The following GXYLT1 variants were observed in gnomAD, a reference collection of about 807,000 sequenced individuals.
GXYLT1 encodes glucoside xylosyltransferase 1.
A neutral mutation model predicts 54.0 loss-of-function variants in GXYLT1; 29 were observed. That is an observed-to-expected ratio of 0.54 (90% confidence interval 0.40 to 0.73). The LOEUF is 0.73. GXYLT1 is among the 30% of genes least tolerant of loss of function. The pLI is 0.00. For synonymous variants in GXYLT1, 176 were observed against 204.1 expected, an observed-to-expected ratio of 0.86 and a Z score of 1.17; for missense variants, 490 against 553.4, an observed-to-expected ratio of 0.89 and a Z score of 1.15.
chr12:42,121,089 A>T (rs1161889794), intron 2 of GXYLT1, among the ~76,000 whole-genome samples: 2 of 152,218 alleles, frequency 1.3e-5, no homozygotes, highest in African/African-American at 4.8e-5. Flanking sequence ...CAATCAAGAC[A>T]TGACAATTTT....
intron 1 of GXYLT1, among the ~76,000 whole-genome samples, chr12:42,138,066 G>A (rs977467173): frequency 6.6e-6 from 1 of 151,988 alleles, no homozygotes; most frequent in African/African-American, 2.4e-5. Flanking sequence ...TCAGGAGTTC[G>A]GGACCAGCCT....
At chr12:42,144,394 G>C in intron 1 of GXYLT1, 32 bp downstream of exon 1, 1 of 1,331,882 alleles carries the variant, frequency 7.5e-7, no homozygotes, top group Non-Finnish European at 9.7e-7. Context: ...CCCCGCGCCC[G>C]CCGCGTCCCC....
chr12:42,133,751 T>A lies in GXYLT1; in HGVS notation c.222-3900A>T, dbSNP rs114204991. On this transcript the variant is annotated intron_variant, in intron 1 of 7. Coordinates refer to ENST00000398675, the MANE Select transcript of GXYLT1 (RefSeq NM_173601.2). ...TACACAGGCCAAACACTGGCAACAC[T>A]ATAGTGAGTAAAATGGACATGGATC... Among the ~76,000 whole-genome samples, 435 of 152,298 alleles carry A rather than the reference T, an allele frequency of 2.9e-3. 2 individuals are homozygous for A. The highest frequency in any genetic ancestry group is 9.3e-3 in the African/African-American group (388 of 41,558).
rs2065298061 is a variant in GXYLT1 at position 42,087,069 on chromosome 12, A to G, written c.*717T>C. Reference sequence around the variant, plus strand: ...AACAATCTTAGATCTGAGTTTTGGCAAGACAGTTTAATGCATACAAAATGA... The same window carrying G: ...AACAATCTTAGATCTGAGTTTTGGCGAGACAGTTTAATGCATACAAAATGA... On this transcript the variant is annotated 3_prime_UTR_variant, in exon 8 of 8. Transcript: ENST00000398675. 6.6e-6 allele frequency: 1 copy of G among 152,172 alleles called. No individual in the cohort carries two copies. The highest frequency in any genetic ancestry group is 2.4e-5 in the African/African-American group (1 of 41,450). The allele number at this position is 152,172 out of a possible 1,614,324, so 9.4% of individuals were successfully genotyped here. A position where few individuals can be genotyped will look rare whatever the true frequency, so the allele number is the denominator to read the frequency against.
intron 2 of GXYLT1, among the ~76,000 whole-genome samples, chr12:42,125,501 C>T (rs1386869196): frequency 1.3e-5 from 2 of 152,072 alleles, no homozygotes; most frequent in East Asian, 1.9e-4. Flanking sequence ...TAGAAAGCAG[C>T]GTTAGAGGAG....
At position 42,087,116 on chromosome 12, in the gene GXYLT1, T is replaced by TCTCTCTCTCTCTCTCTCTCTCTCC. The variant is rs2065298397; in HGVS notation, c.*669_*670insGGAGAGAGAGAGAGAGAGAGAGAG. ...ATGAAACACTACATTTCTCACTCTC[T>TCTCTCTCTCTCTCTCTCTCTCTCC]CTCACACACAAACACGCACACACAG... On this transcript the variant is annotated 3_prime_UTR_variant, in exon 8 of 8. Coordinates refer to ENST00000398675, the MANE Select transcript of GXYLT1 (RefSeq NM_173601.2). The TCTCTCTCTCTCTCTCTCTCTCTCC allele has an allele frequency of 6.6e-6, 1 of 151,992 alleles. No individual in the cohort carries two copies. Among genetic ancestry groups the TCTCTCTCTCTCTCTCTCTCTCTCC allele is most frequent in the Non-Finnish European group, 1.5e-5 (1 of 67,970 alleles). The allele number at this position is 151,992 out of a possible 1,614,324, so 9.4% of individuals were successfully genotyped here.
intron 3 of GXYLT1, 72 bp downstream of exon 3, chr12:42,118,928 A>T: frequency 1.8e-6 from 2 of 1,142,810 alleles, no homozygotes; most frequent in Non-Finnish European, 2.5e-6. Context: ...ACAGACTATT[A>T]CAACAACATT....
At position 42,087,642 on chromosome 12, in the gene GXYLT1, T is replaced by C. The variant is rs1386233469; in HGVS notation, c.*144A>G. 1.7e-6 allele frequency: 1 copy of C among 582,318 alleles called. No homozygotes were observed. Among genetic ancestry groups the C allele is most frequent in the East Asian group, 3.2e-5 (1 of 31,264 alleles). 36.1% of individuals were successfully genotyped at this position (582,318 alleles called of 1,614,324 possible). A position where few individuals can be genotyped will look rare whatever the true frequency, so the allele number is the denominator to read the frequency against. ...TAACTTATTCTTCATTACCTGAAAA[T>C]ACTGCTTACTTAACTTCTTTAGGAA... On this transcript the variant is annotated 3_prime_UTR_variant, in exon 8 of 8. Coordinates refer to ENST00000398675, the MANE Select transcript of GXYLT1 (RefSeq NM_173601.2).
At position 42,083,143 on chromosome 12, in the gene GXYLT1, G is replaced by T. The variant is rs1458593389; in HGVS notation, c.*4643C>A. The T allele has an allele frequency of 5.3e-5, 8 of 151,826 alleles. No homozygotes were observed. The highest frequency in any genetic ancestry group is 1.2e-4 in the Non-Finnish European group (8 of 67,960). The allele number at this position is 151,826 out of a possible 1,614,324, so 9.4% of individuals were successfully genotyped here. A position where few individuals can be genotyped will look rare whatever the true frequency, so the allele number is the denominator to read the frequency against. ...TAATATGCTATTCTGTTTTTCTCAT[G>T]AGTCTTTAATTGCTGGATATTTGAA... On this transcript the variant is annotated 3_prime_UTR_variant, in exon 8 of 8. Transcript: ENST00000398675.
At chr12:42,110,493 T>C (rs1308140519) in intron 3 of GXYLT1, among the ~76,000 whole-genome samples, 7 of 152,342 alleles carry the variant, frequency 4.6e-5, no homozygotes, top group African/African-American at 1.7e-4. Context: ...TCCAATATAG[T>C]TTAAGGGAAT....
intron 3 of GXYLT1, among the ~76,000 whole-genome samples, chr12:42,116,880 A>C (rs897262783): frequency 1.4e-4 from 22 of 152,188 alleles, no homozygotes; most frequent in African/African-American, 5.1e-4. Context: ...AACCAACCTA[A>C]ATGTCCCACA....
At chr12:42,128,378 T>C (rs1311468297) in intron 2 of GXYLT1, among the ~76,000 whole-genome samples, 1 of 152,192 alleles carries the variant, frequency 6.6e-6, no homozygotes, top group African/African-American at 2.4e-5. Flanking sequence ...CATAGAATTA[T>C]TGTCAATTAA....
chr12:42,114,797 T>A (rs182834639), intron 3 of GXYLT1, among the ~76,000 whole-genome samples: 117 of 152,346 alleles, frequency 7.7e-4, no homozygotes, highest in African/African-American at 2.7e-3. Flanking sequence ...AGCATCATCA[T>A]GATACCAAAG....
At chr12:42,088,296 C>A (rs1275916977) in intron 7 of GXYLT1, among the ~76,000 whole-genome samples, 1 of 151,878 alleles carries the variant, frequency 6.6e-6, no homozygotes. Context: ...ACACCACACC[C>A]GCGTCCCACC....
At chr12:42,106,896 T>A (rs373904711) in intron 4 of GXYLT1, among the ~76,000 whole-genome samples, 2 of 151,596 alleles carry the variant, frequency 1.3e-5, no homozygotes, top group African/African-American at 4.9e-5. Context: ...CAGGCATGCA[T>A]CACCACACCC....
In GXYLT1 at chr12:42,139,262, T is replaced by TTTCTCCTCCAAAAGCACA. The variant is rs567642073; in HGVS notation, c.221+5146_221+5163dup. On this transcript the variant is annotated intron_variant, in intron 1 of 7. Transcript: ENST00000398675. ...ATTATTTTTTCATCAACCAAGTAAC[T>TTTCTCCTCCAAAAGCACA]TTCTCCTCCAAAAGCACAGAATATT... Among the ~76,000 whole-genome samples, 263 of 152,266 alleles carry TTTCTCCTCCAAAAGCACA rather than the reference T, an allele frequency of 1.7e-3. 1 individual carries two copies. The highest frequency in any genetic ancestry group is 5.5e-3 in the African/African-American group (230 of 41,540).
chr12:42,116,803 A>C (rs2065498331), intron 3 of GXYLT1, among the ~76,000 whole-genome samples: 2 of 152,256 alleles, frequency 1.3e-5, no homozygotes, highest in Admixed American at 6.5e-5. Context: ...ATTATAAATC[A>C]TGCTGCTATA....
At chr12:42,115,129 C>A (rs1477521729) in intron 3 of GXYLT1, among the ~76,000 whole-genome samples, 2 of 152,130 alleles carry the variant, frequency 1.3e-5, no homozygotes, top group Non-Finnish European at 1.5e-5. Context: ...TGGGACGTAT[C>A]TCAAAATAAT....
chr12:42,141,108 A>G (rs1489325977), intron 1 of GXYLT1, among the ~76,000 whole-genome samples: 1 of 152,180 alleles, frequency 6.6e-6, no homozygotes, highest in Non-Finnish European at 1.5e-5. Context: ...TGCCACAGGA[A>G]TGTGCAAGTG....
Sources: allele counts gnomAD v4.1 joint callset (sites outside exome capture counted in the v4.1 genomes callset), GRCh38; gene constraint gnomAD v4.1.1; transcripts MANE v1.5; gene names NCBI Gene and HGNC (gene_info 2026-07-23, HGNC 2026-07-21).